Variants in KATNIP observed in about 807,000 individuals in gnomAD.
The protein encoded by KATNIP is katanin interacting protein, also known as katanin-interacting protein.
KATNIP carries 126 observed loss-of-function variants against 174.0 expected under a neutral mutation model. The observed-to-expected ratio is 0.72, with a 90% CI of 0.63 to 0.84. KATNIP has a LOEUF of 0.84. Ranked by LOEUF, KATNIP falls within the 40% of genes least tolerant of loss-of-function variation. KATNIP has a pLI of 0.00. For synonymous variants in KATNIP, 810 were observed against 835.7 expected (o/e 0.97, Z 0.53); for missense variants, 1,958 against 2,109.7 (o/e 0.93, Z 1.41).
chr16:27,579,017 G>A (rs1162563912), intron 2 of KATNIP, among the ~76,000 whole-genome samples: 1 of 152,202 alleles, frequency 6.6e-6, no homozygotes, highest in East Asian at 1.9e-4. Flanking sequence ...ATTATATAGT[G>A]TTTATGGCCC....
At chr16:27,590,367 G>A (rs1181232748) in intron 2 of KATNIP, among the ~76,000 whole-genome samples, 2 of 150,140 alleles carry the variant, frequency 1.3e-5, no homozygotes, top group Non-Finnish European at 3.0e-5. Flanking sequence ...TAGAGAAGGT[G>A]TCTCACATGT....
chr16:27,778,493 G>A (rs756511546), intron 27 of KATNIP, 81 bp from the exon 28 acceptor site: 61 of 1,428,722 alleles, frequency 4.3e-5, no homozygotes, highest in Non-Finnish European at 5.9e-5. Flanking sequence ...CCAGGCTGCT[G>A]GATTTCACTG....
intron 8 of KATNIP, among the ~76,000 whole-genome samples, chr16:27,683,652 G>A (rs1246990510): frequency 6.6e-6 from 1 of 152,168 alleles, no homozygotes; most frequent in Non-Finnish European, 1.5e-5. Flanking sequence ...GGCGAATTTT[G>A]ATTCTGTCAA....
intron 1 of KATNIP, among the ~76,000 whole-genome samples, chr16:27,566,833 C>T (rs1267059874): frequency 6.6e-6 from 1 of 152,226 alleles, no homozygotes; most frequent in African/African-American, 2.4e-5. Flanking sequence ...TCAGAAAGCA[C>T]TGGAGAAACT....
At chr16:27,585,919 T>C (rs925783014) in intron 2 of KATNIP, among the ~76,000 whole-genome samples, 2 of 151,958 alleles carry the variant, frequency 1.3e-5, no homozygotes, top group African/African-American at 4.8e-5. Context: ...CCAGGCAACA[T>C]GGTGAAACCC....
intron 14 of KATNIP, among the ~76,000 whole-genome samples, chr16:27,730,325 C>CT (rs201625880): frequency 1.0e-3 from 156 of 151,474 alleles, no homozygotes; most frequent in African/African-American, 1.7e-3. Flanking sequence ...AATTTTTTTG[C>CT]TTTTTTTTTG....
At chr16:27,635,420 A>G (rs1288532689) in intron 5 of KATNIP, among the ~76,000 whole-genome samples, 2 of 152,152 alleles carry the variant, frequency 1.3e-5, no homozygotes, top group Non-Finnish European at 2.9e-5. Flanking sequence ...CCTCCAGTCT[A>G]GAGCATGGAC....
intron 1 of KATNIP, among the ~76,000 whole-genome samples, chr16:27,555,178 A>G (rs1359474837): frequency 1.3e-5 from 2 of 152,218 alleles, no homozygotes; most frequent in East Asian, 1.9e-4. Flanking sequence ...CTAACTAACT[A>G]GGTAAGCCAA....
chr16:27,731,946 C>T (rs974955953), intron 14 of KATNIP, among the ~76,000 whole-genome samples: 2 of 152,210 alleles, frequency 1.3e-5, no homozygotes, highest in South Asian at 2.1e-4. Context: ...ATAGAGCGAC[C>T]GTTGTCACTG....
chr16:27,558,373 G>T (rs1408835018), intron 1 of KATNIP, among the ~76,000 whole-genome samples: 1 of 152,122 alleles, frequency 6.6e-6, no homozygotes, highest in East Asian at 1.9e-4. Flanking sequence ...TCGAACTCCT[G>T]ACCTCAAGTG....
At chr16:27,573,717 C>T (rs1426912652) in intron 1 of KATNIP, among the ~76,000 whole-genome samples, 184 bp from the exon 2 acceptor site, 1 of 152,190 alleles carries the variant, frequency 6.6e-6, no homozygotes, top group African/African-American at 2.4e-5. Context: ...TTACCATTTT[C>T]CTTGCCGTTG....
chr16:27,671,488 T>C (rs1567281743), intron 6 of KATNIP, among the ~76,000 whole-genome samples: 2 of 152,210 alleles, frequency 1.3e-5, no homozygotes, highest in African/African-American at 2.4e-5. Context: ...CATTCTCTAT[T>C]ATAAAGGATG....
intron 1 of KATNIP, among the ~76,000 whole-genome samples, chr16:27,556,296 G>C (rs2089626283): frequency 6.6e-6 from 1 of 152,092 alleles, no homozygotes. Context: ...TCCAATGTTT[G>C]ACATTTTTTA....
intron 5 of KATNIP, among the ~76,000 whole-genome samples, chr16:27,640,695 T>G (rs1597027914): frequency 1.1e-5 from 1 of 91,856 alleles, no homozygotes. Context: ...TTTTTTTTTT[T>G]GTATCTTCCT....
chr16:27,728,506 C>T (rs535118663), intron 14 of KATNIP, among the ~76,000 whole-genome samples: 6 of 152,310 alleles, frequency 3.9e-5, no homozygotes, highest in South Asian at 2.1e-4. Flanking sequence ...TCTCAGCTCA[C>T]GGCAAACTCT....
chr16:27,666,202 G>A (rs569629620), intron 6 of KATNIP, among the ~76,000 whole-genome samples: 21 of 152,156 alleles, frequency 1.4e-4, no homozygotes, highest in African/African-American at 4.8e-4. Context: ...GATTGTTTTG[G>A]TTTTTCTCCA....
chr16:27,602,528 C>T (rs189755320), intron 2 of KATNIP, among the ~76,000 whole-genome samples: 89 of 152,276 alleles, frequency 5.8e-4, no homozygotes, highest in Non-Finnish European at 8.5e-4. Context: ...AACTGCCCAA[C>T]GGGTTCATTC....
At chr16:27,710,125 C>T (rs2079508393) in intron 13 of KATNIP, among the ~76,000 whole-genome samples, 1 of 152,114 alleles carries the variant, frequency 6.6e-6, no homozygotes, top group Admixed American at 6.5e-5. Context: ...TTTGGGAGGC[C>T]GAGGTGGGCG....
intron 14 of KATNIP, among the ~76,000 whole-genome samples, chr16:27,738,889 G>T (rs879378612): frequency 6.6e-6 from 1 of 152,178 alleles, no homozygotes; most frequent in Non-Finnish European, 1.5e-5. Context: ...TCGTGCATGT[G>T]TTGGGGCATC....
Sources: allele counts gnomAD v4.1 joint callset (sites outside exome capture counted in the v4.1 genomes callset), GRCh38; gene constraint gnomAD v4.1.1; transcripts MANE v1.5; gene names NCBI Gene and HGNC (gene_info 2026-07-23, HGNC 2026-07-21).